PGBD5: variants seen among roughly 807,000 people sequenced by gnomAD.
The protein encoded by PGBD5 is piggyBac transposable element derived 5, also known as piggyBac transposable element-derived protein 5.
Under a neutral mutation model 47.9 loss-of-function variants are expected in PGBD5, and 14 were observed. The ratio of observed to expected loss-of-function variants is 0.29; its 90% CI spans 0.19 to 0.46. PGBD5 has a LOEUF of 0.46. Among genes scored for constraint, PGBD5 ranks in the 20% least tolerant of loss-of-function variants. The pLI is 1.00. For missense variants in PGBD5, 635 were observed against 716.0 expected, an observed-to-expected ratio of 0.89 and a Z score of 1.29; for synonymous variants, 316 against 306.3, an observed-to-expected ratio of 1.03 and a Z score of -0.33.
Position 230,373,767 on chromosome 1 carries a change from C to T in PGBD5, c.332-16446G>A, listed in dbSNP as rs112886600. On this transcript the variant is annotated intron_variant, in intron 1 of 6. Coordinates refer to ENST00000391860, the MANE Select transcript of PGBD5 (RefSeq NM_001258311.2). ...GGAATACAGTGGCTCAATCATAGCT[C>T]GCTACAGCCTTAAACTCCGGGGCTC... Among the ~76,000 whole-genome samples the T allele has an allele frequency of 2.9e-3, 441 of 152,250 alleles. 1 individual carries two copies. The highest frequency in any genetic ancestry group is 0.01 in the African/African-American group (421 of 41,548).
At chr1:230,403,677 G>A (rs1657201959) in intron 1 of PGBD5, among the ~76,000 whole-genome samples, 1 of 152,230 alleles carries the variant, frequency 6.6e-6, no homozygotes, top group Admixed American at 6.5e-5. Flanking sequence ...GAGCCCACAA[G>A]TAAAGGGAAG....
At chr1:230,380,585 C>T (rs1656436570) in intron 1 of PGBD5, among the ~76,000 whole-genome samples, 1 of 152,238 alleles carries the variant, frequency 6.6e-6, no homozygotes, top group African/African-American at 2.4e-5. Context: ...AGAATCTGTG[C>T]ATCTGCAGGA....
chr1:230,377,532 G>A (rs758104664), intron 1 of PGBD5: 43 of 1,612,238 alleles, frequency 2.7e-5, no homozygotes, highest in South Asian at 7.7e-5. Flanking sequence ...GATCCCGGCC[G>A]GGCACTATGC....
At chr1:230,413,513 G>A (rs1657455916) in intron 1 of PGBD5, among the ~76,000 whole-genome samples, 1 of 152,046 alleles carries the variant, frequency 6.6e-6, no homozygotes, top group Non-Finnish European at 1.5e-5. Flanking sequence ...TAAAAGGGCG[G>A]GGAGGGGAAG....
At chr1:230,363,905 C>T (rs1667787205) in intron 1 of PGBD5, among the ~76,000 whole-genome samples, 2 of 152,174 alleles carry the variant, frequency 1.3e-5, no homozygotes, top group South Asian at 2.1e-4. Flanking sequence ...CAGCCAATCT[C>T]GTTGTTTTCT....
Position 230,318,944 on chromosome 1 carries a change from G to A in PGBD5, c.*4481C>T, listed in dbSNP as rs557895085. 6.6e-6 allele frequency: 1 copy of A among 152,352 alleles called. No individual in the cohort carries two copies. The highest frequency in any genetic ancestry group is 2.1e-4 in the South Asian group (1 of 4,826). The allele number at this position is 152,352 out of a possible 1,614,324, so 9.4% of individuals were successfully genotyped here. ...CATCTAGGACAAGAAAAGGACCCAG[G>A]GGGAGGGTGATGTCCCGGATCTCAT... On this transcript the variant is annotated 3_prime_UTR_variant, in exon 7 of 7. Transcript: ENST00000391860.
rs780515064 is a variant in PGBD5 at position 230,368,155 on chromosome 1, G to C, written c.332-10834C>G. 2.3e-5 allele frequency: 32 copies of C among 1,366,964 alleles called. No homozygotes were observed. In the Admixed American group the frequency reaches 5.9e-4, roughly 25 times the overall value. The allele number at this position is 1,366,964 out of a possible 1,614,324, so 84.7% of individuals were successfully genotyped here. ...GTGGTGAGGAGGAGGCTGCGGAGGA[G>C]GAATAAGGTGGAGGAGAGAGAAGGC... On this transcript the variant is annotated intron_variant, in intron 1 of 6. Coordinates refer to ENST00000391860, the MANE Select transcript of PGBD5 (RefSeq NM_001258311.2).
intron 1 of PGBD5, among the ~76,000 whole-genome samples, chr1:230,385,273 C>G (rs999839140): frequency 6.6e-6 from 1 of 152,152 alleles, no homozygotes; most frequent in East Asian, 1.9e-4. Context: ...TTGGTAATTA[C>G]AAGGTTTCCT....
chr1:230,378,056 T>C (rs895333958), intron 1 of PGBD5, among the ~76,000 whole-genome samples: 3 of 152,244 alleles, frequency 2.0e-5, no homozygotes, highest in Non-Finnish European at 2.9e-5. Context: ...CAGGTGAGCA[T>C]GTCACACGTT....
intron 1 of PGBD5, among the ~76,000 whole-genome samples, chr1:230,364,103 C>G (rs1342818955): frequency 6.6e-6 from 1 of 152,190 alleles, no homozygotes; most frequent in African/African-American, 2.4e-5. Context: ...GACTTTTTCC[C>G]TTGCTCAATC....
chr1:230,397,243 G>A (rs1031664742), intron 1 of PGBD5, among the ~76,000 whole-genome samples: 7 of 152,196 alleles, frequency 4.6e-5, no homozygotes, highest in African/African-American at 9.7e-5. Flanking sequence ...CTTGCAAGCT[G>A]TACTGCTTTA....
chr1:230,360,756 A>G (rs1475224369), intron 1 of PGBD5, among the ~76,000 whole-genome samples: 1 of 152,208 alleles, frequency 6.6e-6, no homozygotes, highest in East Asian at 1.9e-4. Context: ...ATTTCTTCAT[A>G]GCAGCATGAG....
chr1:230,374,947 G>A (rs1667988293), intron 1 of PGBD5, among the ~76,000 whole-genome samples: 2 of 152,218 alleles, frequency 1.3e-5, no homozygotes, highest in African/African-American at 4.8e-5. Flanking sequence ...GGTCCAGGCC[G>A]TGGCCCTCCT....
At chr1:230,351,136 G>A in intron 2 of PGBD5, 44 bp from the exon 3 acceptor site, 1 of 1,582,622 alleles carries the variant, frequency 6.3e-7, no homozygotes, top group Non-Finnish European at 8.6e-7. Flanking sequence ...AAGGCAGCAT[G>A]AGCTTGAGGG....
chr1:230,415,848 T>C (rs1391055164), intron 1 of PGBD5, among the ~76,000 whole-genome samples: 1 of 152,180 alleles, frequency 6.6e-6, no homozygotes, highest in Non-Finnish European at 1.5e-5. Context: ...ATATACCATG[T>C]TCCACACTCA....
chr1:230,416,687 G>T (rs368559754), intron 1 of PGBD5, among the ~76,000 whole-genome samples: 1 of 152,222 alleles, frequency 6.6e-6, no homozygotes, highest in African/African-American at 2.4e-5. Context: ...ATGGTAGGAC[G>T]CGTGCTACAA....
chr1:230,318,873 G>T lies in PGBD5; in HGVS notation c.*4552C>A, dbSNP rs1416911261. The stretch of plus-strand genomic sequence containing the variant: ...CCCCAGAATAGTGGCTCCCTACCAG[G>T]CTAACTTCAGCTTCAGTAGTTGTTA... On this transcript the variant is annotated 3_prime_UTR_variant, in exon 7 of 7. Transcript: ENST00000391860. 6.6e-6 allele frequency: 1 copy of T among 152,268 alleles called. No homozygotes were observed. Among genetic ancestry groups the T allele is most frequent in the East Asian group, 1.9e-4 (1 of 5,206 alleles). 9.4% of individuals were successfully genotyped at this position (152,268 alleles called of 1,614,324 possible).
chr1:230,400,666 G>GAAATGTTAAATGTT lies in PGBD5; in HGVS notation c.331+24918_331+24931dup, dbSNP rs113844676. On this transcript the variant is annotated intron_variant, in intron 1 of 6. Transcript: ENST00000391860. The stretch of plus-strand genomic sequence containing the variant: ...ACTAAGAAAGAGGTTTTCTTTCTTA[G>GAAATGTTAAATGTT]AAATGTTAAATGTTAAATGTTGCAC... Among the ~76,000 whole-genome samples the GAAATGTTAAATGTT allele has an allele frequency of 4.6e-5, 6 of 131,502 alleles. No homozygotes were observed. The Admixed American group carries it at 4.9e-4, about 11-fold the overall frequency. The allele number at this position is 131,502 out of a possible 152,430, so 86.3% of individuals were successfully genotyped here.
chr1:230,392,043 C>T (rs995653539), intron 1 of PGBD5, among the ~76,000 whole-genome samples: 2 of 152,306 alleles, frequency 1.3e-5, no homozygotes, highest in Admixed American at 6.5e-5. Context: ...AAGGCTGGAC[C>T]GAGGCTTACT....
Sources: allele counts gnomAD v4.1 joint callset (sites outside exome capture counted in the v4.1 genomes callset), GRCh38; gene constraint gnomAD v4.1.1; transcripts MANE v1.5; gene names NCBI Gene and HGNC (gene_info 2026-07-23, HGNC 2026-07-21).